The following SVIL variants were observed in gnomAD, a reference collection of about 807,000 sequenced individuals.
The protein encoded by SVIL is supervillin, also known as archvillin.
SVIL carries 101 observed loss-of-function variants against 240.4 expected under a neutral mutation model. The observed-to-expected ratio is 0.42, with a 90% CI of 0.36 to 0.50. The LOEUF (loss-of-function observed/expected upper bound fraction) is 0.50. SVIL is among the 20% of genes least tolerant of loss of function. The pLI, the probability that SVIL is intolerant of heterozygous loss-of-function variation, is 0.01. For synonymous variants in SVIL, 999 were observed against 1,100.0 expected, an observed-to-expected ratio of 0.91 and a Z score of 1.82; for missense variants, 2,512 against 2,818.7, an observed-to-expected ratio of 0.89 and a Z score of 2.46.
intron 6 of SVIL, among the ~76,000 whole-genome samples, chr10:29,543,322 TAGAAAG>T (rs1182546563): frequency 6.6e-6 from 1 of 152,150 alleles, no homozygotes. Flanking sequence ...GTGGCCCTAT[TAGAAAG>T]AGATATCCAG....
Position 29,676,801 on chromosome 10 carries a change from C to T in SVIL, c.-301+9752G>A, listed in dbSNP as rs192338497. 3.3e-4 allele frequency among the ~76,000 whole-genome samples: 51 copies of T among 152,290 alleles called. No individual in the cohort carries two copies. In the East Asian group the frequency reaches 6.2e-3, roughly 18 times the overall value. ...AGGTTGGCATTTGCCTAGGATGTAACGCCCATTTGGCCGTTTGGAGTCGAT... is the reference window on the plus strand; with the variant it reads ...AGGTTGGCATTTGCCTAGGATGTAATGCCCATTTGGCCGTTTGGAGTCGAT... On this transcript the variant is annotated intron_variant, in intron 2 of 35. Transcript: ENST00000375400.
At chr10:29,461,070 T>C (rs1024147692) in intron 36 of SVIL, among the ~76,000 whole-genome samples, 3 of 152,208 alleles carry the variant, frequency 2.0e-5, no homozygotes, top group African/African-American at 7.2e-5. Context: ...CTAATTTTAG[T>C]AGGCCAGAGA....
intron 11 of SVIL, 67 bp from the exon 12 acceptor site, chr10:29,529,911 C>A: frequency 1.3e-6 from 2 of 1,488,750 alleles, no homozygotes; most frequent in African/African-American, 2.8e-5. Context: ...TGGCTCACGC[C>A]TGTAATCCCA....
intron 1 of SVIL, among the ~76,000 whole-genome samples, chr10:29,696,931 T>A: frequency 7.5e-6 from 1 of 132,672 alleles, no homozygotes; most frequent in Non-Finnish European, 1.6e-5. Flanking sequence ...CAGGAGCCCC[T>A]CTGCCCAGCC....
chr10:29,471,016 A>C (rs1945513850), intron 31 of SVIL, 122 bp downstream of exon 31: 2 of 874,004 alleles, frequency 2.3e-6, no homozygotes, highest in South Asian at 2.9e-5. Flanking sequence ...AAACATCAGG[A>C]GGCTTTCAGA....
chr10:29,611,226 C>T (rs1204674265), intron 1 of SVIL, among the ~76,000 whole-genome samples: 1 of 152,110 alleles, frequency 6.6e-6, no homozygotes, highest in African/African-American at 2.4e-5. Flanking sequence ...TCTTGGTTAA[C>T]TCTTGTTTAG....
intron 16 of SVIL, among the ~76,000 whole-genome samples, chr10:29,519,006 C>CAG (rs1950395661): frequency 6.6e-6 from 1 of 152,192 alleles, no homozygotes; most frequent in Non-Finnish European, 1.5e-5. Flanking sequence ...CTGAAGAAGA[C>CAG]AGACCTGCCC....
intron 17 of SVIL, among the ~76,000 whole-genome samples, chr10:29,507,439 G>C (rs532421643): frequency 8.3e-4 from 127 of 152,238 alleles, no homozygotes; most frequent in Non-Finnish European, 4.3e-4. Context: ...ATCAGTGTGT[G>C]TGTGACTGAT....
At chr10:29,712,881 A>G (rs536427673) in intron 1 of SVIL, among the ~76,000 whole-genome samples, 15 of 152,290 alleles carry the variant, frequency 9.8e-5, no homozygotes, top group African/African-American at 3.1e-4. Context: ...TGAACATTAA[A>G]ACTGCAATGG....
intron 1 of SVIL, among the ~76,000 whole-genome samples, chr10:29,574,228 C>G (rs1310347462): frequency 6.6e-6 from 1 of 152,114 alleles, no homozygotes; most frequent in Non-Finnish European, 1.5e-5. Flanking sequence ...AAAGCAAATA[C>G]TGAAGTTGCC....
chr10:29,533,513 G>A, intron 7 of SVIL, 55 bp from the exon 8 acceptor site: 1 of 1,554,720 alleles, frequency 6.4e-7, no homozygotes, highest in Non-Finnish European at 8.7e-7. Context: ...CCTCACAGGA[G>A]GAAAGCATGC....
chr10:29,555,086 A>G lies in SVIL; in HGVS notation c.-28T>C. ...CTAAGAATTCTTTCTTCTTTGGTTC[A>G]AAGATTTGTCTTAATTCTGCAACTG... On this transcript the variant is annotated 5_prime_UTR_variant, in exon 4 of 38. Transcript: ENST00000355867. The G allele has an allele frequency of 1.2e-6, 2 of 1,612,584 alleles. No homozygotes were observed. Among genetic ancestry groups the G allele is most frequent in the East Asian group, 2.2e-5 (1 of 44,876 alleles).
chr10:29,671,713 G>A (rs1959790492), intron 2 of SVIL, among the ~76,000 whole-genome samples: 1 of 152,038 alleles, frequency 6.6e-6, no homozygotes. Flanking sequence ...CTTTCCAATG[G>A]CTCCAGACAT....
At chr10:29,609,229 A>G (rs1957144515) in intron 1 of SVIL, among the ~76,000 whole-genome samples, 3 of 152,154 alleles carry the variant, frequency 2.0e-5, no homozygotes, top group Non-Finnish European at 4.4e-5. Flanking sequence ...GAGCTGTAAC[A>G]TGTTCTTGAC....
At chr10:29,690,078 T>C (rs548065741) in intron 1 of SVIL, among the ~76,000 whole-genome samples, 1 of 152,320 alleles carries the variant, frequency 6.6e-6, no homozygotes, top group African/African-American at 2.4e-5. Context: ...GACCAAGACC[T>C]TGAATATCTT....
chr10:29,483,804 TTAA>T (rs896810516), intron 27 of SVIL: 12 of 152,204 alleles, frequency 7.9e-5, no homozygotes, highest in African/African-American at 2.9e-4. Flanking sequence ...TAATGATTAA[TTAA>T]TAAGAAAATC....
rs188126971 is a variant in SVIL at position 29,705,445 on chromosome 10, G to C, written c.-399-18794C>G. Among the ~76,000 whole-genome samples, 566 of 152,102 alleles carry C rather than the reference G, an allele frequency of 3.7e-3. 4 individuals are homozygous for C. Among genetic ancestry groups the C allele is most frequent in the Non-Finnish European group, 4.8e-3 (328 of 68,006 alleles). ...ATCAGGGTCCATACAGAAAGGAGGC[G>C]GAGGGAGAATATAGACTGTTCTTCC... On this transcript the variant is annotated intron_variant, in intron 1 of 35. Coordinates refer to the SVIL transcript ENST00000375400.
At chr10:29,500,838 A>T (rs1948830212) in intron 17 of SVIL, among the ~76,000 whole-genome samples, 1 of 152,012 alleles carries the variant, frequency 6.6e-6, no homozygotes, top group African/African-American at 2.4e-5. Context: ...ATGGCAAACC[A>T]CTTCCCTTCA....
At chr10:29,576,523 T>C (rs1955702695) in intron 1 of SVIL, among the ~76,000 whole-genome samples, 1 of 152,244 alleles carries the variant, frequency 6.6e-6, no homozygotes, top group Non-Finnish European at 1.5e-5. Flanking sequence ...AATTCTGATA[T>C]ATACATACCC....
Sources: gnomAD v4.1 joint callset for allele counts (sites outside exome capture counted in the v4.1 genomes callset) on GRCh38, gnomAD v4.1.1 for gene constraint, MANE v1.5 for transcripts, NCBI Gene and HGNC (gene_info 2026-07-23, HGNC 2026-07-21) for gene names.